Variants in ZNF236 observed in about 807,000 individuals in gnomAD.
ZNF236 encodes the protein regulated by glucose.
Under a neutral mutation model 191.2 loss-of-function variants are expected in ZNF236, and 50 were observed. The ratio of observed to expected loss-of-function variants is 0.26; its 90% CI spans 0.21 to 0.33. The LOEUF is 0.33. Ranked by LOEUF, ZNF236 falls within the 10% of genes least tolerant of loss-of-function variation. The pLI is 1.00. For missense variants in ZNF236, 1,754 were observed against 2,374.5 expected (o/e 0.74, Z 5.43); for synonymous variants, 907 against 928.8 (o/e 0.98, Z 0.43).
rs1031220896 is a variant in ZNF236 at position 76,960,835 on chromosome 18, A to G, written c.5399A>G (p.Lys1800Arg). ...TQKSNMKLHM[K>R]RAHSYAGALQ... is the part of the protein sequence containing the mutation. The stretch of plus-strand genomic sequence containing the variant: ...AAGAGCAACATGAAGCTGCACATGA[A>G]GCGGGCGCACAGCTATGCTGGTGAG... Residue 1800 changes from lysine (K) to arginine (R), a missense_variant, in exon 30 of 31, where the codon AAG becomes AGG. By Grantham distance (26) the Lys-to-Arg change is conservative. This residue lies in a region of ZNF236 where 606 missense variants were observed against 761.5 expected (regional missense o/e 0.80). Transcript: ENST00000320610. This position sits in a 1 kb window ranked among gnomAD's most constrained non-coding sequence, Gnocchi z 4.4. 6.2e-7 allele frequency: 1 copy of G among 1,613,398 alleles called. No individual in the cohort carries two copies. Among genetic ancestry groups the G allele is most frequent in the East Asian group, 2.2e-5 (1 of 44,856 alleles).
At chr18:76,878,927 T>C (rs535658625) in intron 7 of ZNF236, among the ~76,000 whole-genome samples, 8 of 152,348 alleles carry the variant, frequency 5.3e-5, no homozygotes, top group Middle Eastern at 3.4e-3. Flanking sequence ...CTTTAGTGTT[T>C]GTTTTTTCTT....
In ZNF236 at chr18:76,968,725, GT is replaced by G. The variant is rs2122992085; in HGVS notation, c.*389del. ...AAAAGTATGTCAGATTTTCCTTCAT[GT>G]TTCTGGTTATAAGAAGCATAGCTTA... On this transcript the variant is annotated 3_prime_UTR_variant, in exon 31 of 31. Transcript: ENST00000320610. 1 of 999,244 alleles carries G rather than the reference GT, an allele frequency of 1.0e-6. No homozygotes were observed. Among genetic ancestry groups the G allele is most frequent in the East Asian group, 1.1e-4 (1 of 9,004 alleles). 61.9% of individuals were successfully genotyped at this position (999,244 alleles called of 1,614,324 possible). A position where few individuals can be genotyped will look rare whatever the true frequency, so the allele number is the denominator to read the frequency against.
chr18:76,893,809 G>A (rs1322961456), intron 9 of ZNF236, among the ~76,000 whole-genome samples: 5 of 152,212 alleles, frequency 3.3e-5, no homozygotes, highest in Admixed American at 2.0e-4. Context: ...CACTGCGCCC[G>A]GCCCACCTTT....
chr18:76,908,647 A>G, intron 14 of ZNF236, 74 bp downstream of exon 14: 1 of 1,524,898 alleles, frequency 6.6e-7, no homozygotes, highest in Non-Finnish European at 8.8e-7. Context: ...ATTGCAGTCC[A>G]TTGGTGTCTC....
chr18:76,910,600 A>T, intron 15 of ZNF236, 60 bp from the exon 16 acceptor site: 1 of 1,521,932 alleles, frequency 6.6e-7, no homozygotes, highest in Admixed American at 1.8e-5. Flanking sequence ...ACCTTTTCTT[A>T]GAACATTTTA....
At chr18:76,833,528 A>G (rs939608664) in intron 1 of ZNF236, among the ~76,000 whole-genome samples, 2 of 152,168 alleles carry the variant, frequency 1.3e-5, no homozygotes, top group African/African-American at 4.8e-5. Flanking sequence ...CCAAACTTGT[A>G]TCCCTGGGAT....
At chr18:76,835,544 A>C (rs1248959511) in intron 1 of ZNF236, among the ~76,000 whole-genome samples, 3 of 152,068 alleles carry the variant, frequency 2.0e-5, no homozygotes, top group African/African-American at 7.3e-5. Context: ...AATGAGTCAT[A>C]CTTTATATCT....
chr18:76,943,598 T>C (rs1425769331), intron 26 of ZNF236, among the ~76,000 whole-genome samples: 1 of 152,256 alleles, frequency 6.6e-6, no homozygotes, highest in East Asian at 1.9e-4. Context: ...TTTAAAACTT[T>C]GTATTTAGGT....
chr18:76,932,489 T>G (rs1967882625), intron 25 of ZNF236, among the ~76,000 whole-genome samples: 1 of 152,226 alleles, frequency 6.6e-6, no homozygotes. Context: ...ATTCTAATCT[T>G]AGGCTGTGAG....
chr18:76,834,710 T>C (rs1324849572), intron 1 of ZNF236: 3 of 444,692 alleles, frequency 6.7e-6, no homozygotes, highest in East Asian at 5.6e-5. Context: ...ACCTTTATAG[T>C]GTCCTCATAC....
intron 3 of ZNF236, among the ~76,000 whole-genome samples, chr18:76,855,302 G>A (rs1006251851): frequency 1.3e-5 from 2 of 152,098 alleles, no homozygotes; most frequent in African/African-American, 2.4e-5. Context: ...AGGTGCACAC[G>A]GTAAGAAATC....
chr18:76,914,008 T>A (rs1967289271), intron 18 of ZNF236, 110 bp downstream of exon 18: 2 of 1,211,666 alleles, frequency 1.7e-6, no homozygotes, highest in Non-Finnish European at 2.3e-6. Context: ...AATTCAGTGA[T>A]TTTTAGTATG....
At position 76,875,613 on chromosome 18, in the gene ZNF236, C is replaced by T; in HGVS notation, c.789C>T (p.Ala263=). The change falls in exon 6 of 31, where the codon GCC becomes GCT. Residue 263 remains alanine, a synonymous_variant. Transcript: ENST00000320610. This position sits in a 1 kb window ranked among gnomAD's most constrained non-coding sequence, Gnocchi z 4.3. ...KPHACAFCPA[A]FSQKGNLQSH... ...ATGCCTGTGCCTTCTGTCCTGCCGC[C>T]TTCTCTCAGAAAGGGAATCTTCAGT... 2 of 1,602,110 alleles carry T rather than the reference C, an allele frequency of 1.2e-6. No homozygotes were observed. Among genetic ancestry groups the T allele is most frequent in the Non-Finnish European group, 1.7e-6 (2 of 1,173,652 alleles).
intron 3 of ZNF236, among the ~76,000 whole-genome samples, chr18:76,857,526 C>T (rs563570661): frequency 6.6e-6 from 1 of 152,308 alleles, no homozygotes; most frequent in East Asian, 1.9e-4. Context: ...GTTACATTAT[C>T]TGACACAAAA....
chr18:76,860,964 C>G (rs1048796513), intron 3 of ZNF236, among the ~76,000 whole-genome samples: 1 of 152,136 alleles, frequency 6.6e-6, no homozygotes, highest in African/African-American at 2.4e-5. Context: ...GGTGAGGGAG[C>G]TGTGAGGATG....
At chr18:76,839,016 G>A (rs865802364) in intron 1 of ZNF236, among the ~76,000 whole-genome samples, 46 of 152,316 alleles carry the variant, frequency 3.0e-4, no homozygotes, top group Middle Eastern at 6.8e-3. Flanking sequence ...GCTTCTTTTG[G>A]TAAAAATGTG....
intron 19 of ZNF236, among the ~76,000 whole-genome samples, chr18:76,917,996 C>T (rs1203255609): frequency 6.6e-6 from 1 of 152,118 alleles, no homozygotes; most frequent in African/African-American, 2.4e-5. Context: ...TCCCATCTCT[C>T]ATCTTTTTTC....
chr18:76,892,648 A>T (rs1256927182), intron 9 of ZNF236, among the ~76,000 whole-genome samples: 2 of 152,166 alleles, frequency 1.3e-5, no homozygotes, highest in Non-Finnish European at 2.9e-5. Context: ...GCTCACCATA[A>T]CCTCTGCCTC....
At chr18:76,965,297 A>AT (rs1029252579) in intron 30 of ZNF236, among the ~76,000 whole-genome samples, 1 of 151,750 alleles carries the variant, frequency 6.6e-6, no homozygotes, top group Non-Finnish European at 1.5e-5. Context: ...TTCTTATATC[A>AT]TTTTTTTGAT....
Sources: allele counts gnomAD v4.1 joint callset (sites outside exome capture counted in the v4.1 genomes callset), GRCh38; gene constraint gnomAD v4.1.1; regional missense constraint gnomAD v4.1.1; non-coding constraint Gnocchi (gnomAD v3.1); transcripts MANE v1.5; gene names NCBI Gene and HGNC (gene_info 2026-07-23, HGNC 2026-07-21).